The following TRDN variants were observed in gnomAD, a reference collection of about 807,000 sequenced individuals.
The protein encoded by TRDN is triadin, also known as triadin in skeletal muscle.
TRDN carries 161 observed loss-of-function variants against 149.7 expected under a neutral mutation model. That is an observed-to-expected ratio of 1.08 (90% CI 0.95 to 1.23). The LOEUF is 1.23. TRDN is among the 50% of genes most tolerant of loss of function. The probability of loss-of-function intolerance (pLI) is 0.00; values close to 1 mark genes in which losing one functional copy is unlikely to be tolerated. For synonymous variants in TRDN, 294 were observed against 250.5 expected (o/e 1.17, Z -1.64); for missense variants, 896 against 823.5 (o/e 1.09, Z -1.08).
At chr6:123,460,542 A>T (rs536399538) in intron 10 of TRDN, among the ~76,000 whole-genome samples, 1 of 152,252 alleles carries the variant, frequency 6.6e-6, no homozygotes, top group South Asian at 2.1e-4. Context: ...TTTCTCCACA[A>T]AACAAAGAAA....
intron 1 of TRDN, among the ~76,000 whole-genome samples, chr6:123,590,597 T>G (rs189149903): frequency 1.7e-3 from 257 of 152,206 alleles, no homozygotes; most frequent in African/African-American, 6.0e-3. Flanking sequence ...ACCCCGTCTC[T>G]ACTAAAAATA....
intron 1 of TRDN, among the ~76,000 whole-genome samples, chr6:123,582,666 C>T (rs1007643292): frequency 1.3e-5 from 2 of 152,136 alleles, no homozygotes; most frequent in Non-Finnish European, 2.9e-5. Context: ...AAGGCAGGAA[C>T]CCGCGATCTG....
intron 2 of TRDN, among the ~76,000 whole-genome samples, chr6:123,553,101 G>A (rs530393267): frequency 2.0e-5 from 3 of 152,236 alleles, no homozygotes; most frequent in Admixed American, 6.5e-5. Context: ...AAACATCAAC[G>A]TGAAGAAATA....
chr6:123,495,196 G>C (rs958429579), intron 9 of TRDN, among the ~76,000 whole-genome samples: 3 of 151,924 alleles, frequency 2.0e-5, no homozygotes, highest in African/African-American at 7.3e-5. Context: ...TGGGACAATG[G>C]GTGCATACCG....
intron 23 of TRDN, among the ~76,000 whole-genome samples, chr6:123,328,784 A>C (rs190484181): frequency 6.5e-4 from 99 of 152,278 alleles, no homozygotes; most frequent in African/African-American, 2.3e-3. Flanking sequence ...GTTCCACTTC[A>C]GTATCTGGTT....
At chr6:123,275,441 A>G (rs1777338131) in intron 26 of TRDN, among the ~76,000 whole-genome samples, 1 of 152,162 alleles carries the variant, frequency 6.6e-6, no homozygotes, top group Non-Finnish European at 1.5e-5. Context: ...GCAAACAAAT[A>G]TTCTCCTCTA....
chr6:123,401,903 C>T (rs1420292953), intron 12 of TRDN, among the ~76,000 whole-genome samples: 27 of 149,864 alleles, frequency 1.8e-4, no homozygotes, highest in African/African-American at 4.2e-4. Flanking sequence ...GCCAAGATCA[C>T]GCCACTGCAC....
At chr6:123,392,049 A>G (rs1293312454) in intron 13 of TRDN, among the ~76,000 whole-genome samples, 1 of 152,052 alleles carries the variant, frequency 6.6e-6, no homozygotes, top group African/African-American at 2.4e-5. Context: ...ATTTTAGTAA[A>G]CGCATACACA....
chr6:123,223,851 A>G (rs1490983464), intron 39 of TRDN, among the ~76,000 whole-genome samples: 3 of 151,674 alleles, frequency 2.0e-5, no homozygotes, highest in Non-Finnish European at 4.4e-5. Flanking sequence ...TTGGCAAATA[A>G]ATGCATCTGA....
intron 1 of TRDN, among the ~76,000 whole-genome samples, chr6:123,594,693 A>C (rs1562414679): frequency 6.6e-6 from 1 of 152,040 alleles, no homozygotes; most frequent in Non-Finnish European, 1.5e-5. Flanking sequence ...CTCAGAACCT[A>C]AAATACAGGG....
chr6:123,382,910 G>A (rs920537981), intron 14 of TRDN, among the ~76,000 whole-genome samples: 5 of 151,958 alleles, frequency 3.3e-5, no homozygotes, highest in African/African-American at 1.2e-4. Flanking sequence ...ACCTGAGCTT[G>A]AATTTTTGCT....
chr6:123,502,925 C>A (rs1284166247), intron 8 of TRDN: 1 of 985,108 alleles, frequency 1.0e-6, no homozygotes, highest in Non-Finnish European at 1.2e-6. Flanking sequence ...AAGAAACATT[C>A]AATAAGGGCC....
chr6:123,503,470 G>A, intron 8 of TRDN: 1 of 985,054 alleles, frequency 1.0e-6, no homozygotes, highest in Middle Eastern at 5.2e-4. Flanking sequence ...GATTTCGGAT[G>A]CTACCTCCAA....
At chr6:123,350,013 T>C (rs1304164492) in intron 21 of TRDN, 1 of 985,370 alleles carries the variant, frequency 1.0e-6, no homozygotes, top group Non-Finnish European at 1.2e-6. Context: ...TTTATGAATT[T>C]TGAAACATTC....
intron 20 of TRDN, among the ~76,000 whole-genome samples, chr6:123,355,391 T>C (rs373734136): frequency 1.3e-5 from 2 of 151,834 alleles, no homozygotes; most frequent in East Asian, 1.9e-4. Flanking sequence ...TTTTTCCTGG[T>C]AGCATTATAA....
chr6:123,258,869 G>A (rs1776654747), intron 35 of TRDN, among the ~76,000 whole-genome samples: 1 of 152,046 alleles, frequency 6.6e-6, no homozygotes, highest in East Asian at 1.9e-4. Flanking sequence ...GTCTTGGGAG[G>A]GTGTGTGTAT....
chr6:123,604,438 G>A (rs969227737), intron 1 of TRDN, among the ~76,000 whole-genome samples: 1 of 152,230 alleles, frequency 6.6e-6, no homozygotes, highest in Non-Finnish European at 1.5e-5. Flanking sequence ...TACAATGCCT[G>A]CGAGTGCTGA....
intron 21 of TRDN, among the ~76,000 whole-genome samples, chr6:123,342,885 G>A (rs1780116827): frequency 1.3e-5 from 2 of 151,980 alleles, no homozygotes; most frequent in Non-Finnish European, 2.9e-5. Context: ...TCTGAAGCAG[G>A]GACTAGGTAG....
At chr6:123,290,605 C>T (rs374095510) in intron 24 of TRDN, among the ~76,000 whole-genome samples, 1 of 152,008 alleles carries the variant, frequency 6.6e-6, no homozygotes, top group Admixed American at 6.6e-5. Context: ...AGAACGGAAT[C>T]GATGCTTAAA....
Sources: allele counts gnomAD v4.1 joint callset (sites outside exome capture counted in the v4.1 genomes callset), GRCh38; gene constraint gnomAD v4.1.1; transcripts MANE v1.5; gene names NCBI Gene and HGNC (gene_info 2026-07-23, HGNC 2026-07-21).